CSMD3: variants seen among roughly 807,000 people sequenced by gnomAD.
CSMD3 encodes CUB and sushi domain-containing protein 3.
In CSMD3, 177 loss-of-function variants were observed where a neutral mutation model predicts 435.2. The observed-to-expected ratio is 0.41, with a 90% confidence interval of 0.36 to 0.46. CSMD3 has a LOEUF of 0.46. Among genes scored for constraint, CSMD3 ranks in the 20% least tolerant of loss-of-function variants. The probability of loss-of-function intolerance (pLI) is 0.34; values close to 1 mark genes in which losing one functional copy is unlikely to be tolerated. For missense variants in CSMD3, 4,265 were observed against 4,504.6 expected, an observed-to-expected ratio of 0.95 and a Z score of 1.52; for synonymous variants, 1,656 against 1,520.5, an observed-to-expected ratio of 1.09 and a Z score of -2.07.
At chr8:112,380,808 A>C (rs1279799028) in intron 37 of CSMD3, among the ~76,000 whole-genome samples, 10 of 152,158 alleles carry the variant, frequency 6.6e-5, no homozygotes, top group Admixed American at 6.5e-4. Context: ...ATAAACAATA[A>C]ATACATATAT....
At chr8:113,283,141 A>G (rs919422537) in intron 2 of CSMD3, among the ~76,000 whole-genome samples, 24 of 152,294 alleles carry the variant, frequency 1.6e-4, no homozygotes, top group Middle Eastern at 6.8e-3. Context: ...CTAGAAGATA[A>G]CATTCGAAAA....
intron 27 of CSMD3, among the ~76,000 whole-genome samples, chr8:112,549,443 AC>A (rs1247950879): frequency 2.6e-5 from 4 of 152,004 alleles, no homozygotes; most frequent in African/African-American, 9.7e-5. Flanking sequence ...TTTCACATGA[AC>A]TTGGGTCATA....
At chr8:112,764,609 C>T (rs1251517847) in intron 13 of CSMD3, among the ~76,000 whole-genome samples, 1 of 151,416 alleles carries the variant, frequency 6.6e-6, no homozygotes, top group East Asian at 1.9e-4. Context: ...AATGGCTAAG[C>T]AGTTACAATG....
At chr8:113,309,061 A>T (rs1463376238) in intron 2 of CSMD3, 1 of 151,594 alleles carries the variant, frequency 6.6e-6, no homozygotes, top group African/African-American at 2.4e-5. Context: ...CAATCCTCCC[A>T]CCTCAGCCTC....
chr8:113,252,825 A>G (rs1187373720), intron 3 of CSMD3, among the ~76,000 whole-genome samples: 2 of 152,172 alleles, frequency 1.3e-5, no homozygotes, highest in African/African-American at 4.8e-5. Context: ...AAAGCCCAAT[A>G]TCTGCATTTG....
intron 1 of CSMD3, among the ~76,000 whole-genome samples, chr8:113,374,424 T>A (rs958942582): frequency 6.6e-6 from 1 of 152,106 alleles, no homozygotes; most frequent in African/African-American, 2.4e-5. Context: ...CCCAGCTTCC[T>A]TAAATTTTTT....
At chr8:113,016,700 C>A (rs1475671715) in intron 6 of CSMD3, among the ~76,000 whole-genome samples, 1 of 151,656 alleles carries the variant, frequency 6.6e-6, no homozygotes, top group Non-Finnish European at 1.5e-5. Flanking sequence ...TAATATATTA[C>A]ACAAAATTTT....
At chr8:112,555,716 C>G (rs1828055862) in intron 25 of CSMD3, among the ~76,000 whole-genome samples, 1 of 151,926 alleles carries the variant, frequency 6.6e-6, no homozygotes, top group Non-Finnish European at 1.5e-5. Context: ...CCTATAATAA[C>G]TAGAATTTCA....
At chr8:113,174,471 A>G (rs1298207252) in intron 3 of CSMD3, among the ~76,000 whole-genome samples, 1 of 152,100 alleles carries the variant, frequency 6.6e-6, no homozygotes, top group Non-Finnish European at 1.5e-5. Flanking sequence ...TTGAGTGTAT[A>G]CTACGAATGA....
intron 13 of CSMD3, among the ~76,000 whole-genome samples, chr8:112,694,061 C>CTTT (rs141966679): frequency 6.6e-6 from 1 of 151,086 alleles, no homozygotes; most frequent in African/African-American, 2.4e-5. Context: ...TCATAGTCTT[C>CTTT]TTTTTTTCCA....
At chr8:113,414,259 A>G (rs1166184125) in intron 1 of CSMD3, among the ~76,000 whole-genome samples, 1 of 152,190 alleles carries the variant, frequency 6.6e-6, no homozygotes, top group Non-Finnish European at 1.5e-5. Flanking sequence ...TTAACTTTAG[A>G]CTATATTTAA....
At chr8:113,137,886 C>T (rs1016488662) in intron 4 of CSMD3, among the ~76,000 whole-genome samples, 3 of 151,544 alleles carry the variant, frequency 2.0e-5, no homozygotes, top group Non-Finnish European at 4.4e-5. Flanking sequence ...ATTGGAATTA[C>T]ATCCAAACCC....
At position 112,979,885 on chromosome 8, in the gene CSMD3, C is replaced by T. The variant is rs114722435; in HGVS notation, c.1031-3737G>A. Among the ~76,000 whole-genome samples, 1,213 of 150,994 alleles carry T rather than the reference C, an allele frequency of 8.0e-3. 17 individuals carry two copies. Among genetic ancestry groups the T allele is most frequent in the African/African-American group, 0.027 (1,135 of 41,412 alleles). ...TATCTGAAATATAATTTTAATAATGCTATTTAACAAAATATTCCTAAACTA... is the reference window on the plus strand; with the variant it reads ...TATCTGAAATATAATTTTAATAATGTTATTTAACAAAATATTCCTAAACTA... On this transcript the variant is annotated intron_variant, in intron 6 of 70. Coordinates refer to ENST00000297405, the MANE Select transcript of CSMD3 (RefSeq NM_198123.2).
rs771980074 is a variant in CSMD3 at position 112,224,907 on chromosome 8, G to A, written c.10988C>T (p.Thr3663Ile). Reference sequence around the variant, plus strand: ...GTTATTTTCATGAACTGAACATCCTGTATACTGTGTTTTAGGTGCAGTCCT... The same window carrying A: ...GTTATTTTCATGAACTGAACATCCTATATACTGTGTTTTAGGTGCAGTCCT... ...KQRTAPKTQYTGCSVHENNNG... is the reference protein window; with the variant it reads ...KQRTAPKTQYIGCSVHENNNG... Residue 3663 changes from threonine to isoleucine, a missense_variant, in exon 71 of 71, where the codon ACA becomes ATA. Around this residue, in one of 3 missense-constraint regions of CSMD3, gnomAD observed 3,255 missense variants for 3,380.2 expected, o/e 0.96. Transcript: ENST00000297405. The A allele has an allele frequency of 9.3e-6, 15 of 1,613,830 alleles. No homozygotes were observed. In the South Asian group the frequency reaches 1.5e-4, roughly 17 times the overall value.
chr8:112,972,078 C>T (rs1444512235), intron 7 of CSMD3, among the ~76,000 whole-genome samples: 1 of 151,820 alleles, frequency 6.6e-6, no homozygotes, highest in Non-Finnish European at 1.5e-5. Flanking sequence ...ATAGATTAGT[C>T]TGTACACATT....
At chr8:112,857,148 T>A (rs964819764) in intron 11 of CSMD3, among the ~76,000 whole-genome samples, 5 of 151,584 alleles carry the variant, frequency 3.3e-5, no homozygotes, top group African/African-American at 1.2e-4. Context: ...ATAATCCTTA[T>A]TGTGGCTCAT....
intron 1 of CSMD3, among the ~76,000 whole-genome samples, chr8:113,387,518 T>A (rs2094444364): frequency 6.6e-6 from 1 of 151,722 alleles, no homozygotes; most frequent in South Asian, 2.1e-4. Context: ...ATGATTGCAG[T>A]GAAGAACAGA....
In CSMD3 at chr8:112,476,655, A is replaced by G. The variant is rs182570298; in HGVS notation, c.5279-3948T>C. Reference sequence around the variant, plus strand: ...TAATAATTAATTGTAATTTTGCTGTACCAAAGAACTGTGTTTTATGTATGC... The same window carrying G: ...TAATAATTAATTGTAATTTTGCTGTGCCAAAGAACTGTGTTTTATGTATGC... On this transcript the variant is annotated intron_variant, in intron 31 of 70. Coordinates refer to ENST00000297405, the MANE Select transcript of CSMD3 (RefSeq NM_198123.2). Among the ~76,000 whole-genome samples the G allele has an allele frequency of 2.0e-5, 3 of 152,286 alleles. No individual in the cohort carries two copies. In the East Asian group the frequency reaches 5.8e-4, roughly 29 times the overall value.
At chr8:112,460,418 A>G (rs894762023) in intron 32 of CSMD3, among the ~76,000 whole-genome samples, 5 of 151,906 alleles carry the variant, frequency 3.3e-5, no homozygotes, top group African/African-American at 1.2e-4. Flanking sequence ...CCCCTACACT[A>G]AGAACAGCAA....
Sources: gnomAD v4.1 joint callset for allele counts (sites outside exome capture counted in the v4.1 genomes callset) on GRCh38, gnomAD v4.1.1 for gene constraint, gnomAD v4.1.1 regional missense constraint, MANE v1.5 for transcripts, NCBI Gene and HGNC (gene_info 2026-07-23, HGNC 2026-07-21) for gene names.